CHCHD3: variants seen among roughly 807,000 people sequenced by gnomAD.
CHCHD3 encodes the protein coiled-coil-helix-coiled-coil-helix domain containing 3, also known as MICOS complex subunit MIC19.
Under a neutral mutation model 38.2 loss-of-function variants are expected in CHCHD3, and 20 were observed. That is an observed-to-expected ratio of 0.52 (90% CI 0.37 to 0.76). The LOEUF (loss-of-function observed/expected upper bound fraction) is 0.76. Among genes scored for constraint, CHCHD3 ranks in the 30% least tolerant of loss-of-function variants. The pLI, the probability that CHCHD3 is intolerant of heterozygous loss-of-function variation, is 0.00. For synonymous variants in CHCHD3, 82 were observed against 100.0 expected (o/e 0.82, Z 1.07); for missense variants, 245 against 279.2 (o/e 0.88, Z 0.87).
At position 132,860,368 on chromosome 7, in the gene CHCHD3, A is replaced by G. The variant is rs572615530; in HGVS notation, c.454-21899T>C. On this transcript the variant is annotated intron_variant, in intron 5 of 7. Transcript: ENST00000262570. ...CCCACATTGTTTTTTGTTTGTTTCA[A>G]TGAACAAACTTATTCCTCTTGGTCT... Among the ~76,000 whole-genome samples the G allele has an allele frequency of 2.8e-4, 42 of 152,152 alleles. 1 individual carries two copies. The highest frequency in any genetic ancestry group is 9.2e-4 in the Admixed American group (14 of 15,272).
intron 2 of CHCHD3, among the ~76,000 whole-genome samples, chr7:133,025,536 G>A (rs1267016928): frequency 5.3e-5 from 8 of 152,098 alleles, no homozygotes; most frequent in African/African-American, 9.7e-5. Flanking sequence ...ACAGAGTCTC[G>A]CTCTGTTGCC....
chr7:132,890,195 C>T (rs557662486), intron 4 of CHCHD3, among the ~76,000 whole-genome samples: 1 of 152,240 alleles, frequency 6.6e-6, no homozygotes, highest in Admixed American at 6.5e-5. Flanking sequence ...CCAACACGAA[C>T]ATTTTGATGT....
chr7:132,925,812 G>A (rs1810363977), intron 4 of CHCHD3, among the ~76,000 whole-genome samples: 2 of 152,158 alleles, frequency 1.3e-5, no homozygotes, highest in Admixed American at 6.5e-5. Context: ...ACTTCATAAC[G>A]AAAACGTTTC....
At chr7:132,825,710 A>G (rs1479908885) in intron 6 of CHCHD3, among the ~76,000 whole-genome samples, 2 of 152,200 alleles carry the variant, frequency 1.3e-5, no homozygotes, top group African/African-American at 4.8e-5. Flanking sequence ...CAAAGTAATG[A>G]GACTGTGATA....
chr7:132,814,877 C>G (rs1377029581), intron 6 of CHCHD3, among the ~76,000 whole-genome samples: 1 of 152,098 alleles, frequency 6.6e-6, no homozygotes, highest in Non-Finnish European at 1.5e-5. Flanking sequence ...CTAATTTAAT[C>G]AATGTCAACT....
At chr7:132,812,233 T>C (rs1404528590) in intron 6 of CHCHD3, among the ~76,000 whole-genome samples, 1 of 126,154 alleles carries the variant, frequency 7.9e-6, no homozygotes, top group Non-Finnish European at 1.6e-5. Context: ...TTTTTTGAGA[T>C]GGAGTCTTGC....
rs73447502 is a variant in CHCHD3 at position 132,921,772 on chromosome 7, G to A, written c.370-36027C>T. On this transcript the variant is annotated intron_variant, in intron 4 of 7. Coordinates refer to ENST00000262570, the MANE Select transcript of CHCHD3 (RefSeq NM_017812.4). ...GGTCCTAAGGCAGCCTGCAAAGCCT[G>A]AAGGGCACTTCTTATCACCACGTCT... is the stretch of plus-strand genomic sequence containing the variant. 7.4e-3 allele frequency among the ~76,000 whole-genome samples: 1,122 copies of A among 152,332 alleles called. 18 individuals carry two copies. The highest frequency in any genetic ancestry group is 0.026 in the African/African-American group (1,085 of 41,576).
intron 2 of CHCHD3, among the ~76,000 whole-genome samples, chr7:133,042,286 A>C (rs550406723): frequency 6.6e-6 from 1 of 152,136 alleles, no homozygotes; most frequent in Non-Finnish European, 1.5e-5. Flanking sequence ...TCTTCATCAC[A>C]CTGCGGTAGT....
At chr7:132,848,799 C>G (rs1808143459) in intron 5 of CHCHD3, among the ~76,000 whole-genome samples, 1 of 152,176 alleles carries the variant, frequency 6.6e-6, no homozygotes, top group South Asian at 2.1e-4. Flanking sequence ...GTAGCTGGCA[C>G]CTTAAAGAAT....
intron 2 of CHCHD3, among the ~76,000 whole-genome samples, chr7:133,048,920 A>C (rs1196320622): frequency 6.6e-6 from 1 of 152,234 alleles, no homozygotes; most frequent in East Asian, 1.9e-4. Flanking sequence ...ATCTGCCCTA[A>C]AGTCACATAA....
chr7:132,875,434 G>C (rs1048923810), intron 5 of CHCHD3, among the ~76,000 whole-genome samples: 1 of 152,176 alleles, frequency 6.6e-6, no homozygotes, highest in African/African-American at 2.4e-5. Flanking sequence ...TTTTCAGAAA[G>C]AACTACTTGA....
chr7:133,002,107 C>T (rs1209252095), intron 3 of CHCHD3, among the ~76,000 whole-genome samples: 1 of 152,120 alleles, frequency 6.6e-6, no homozygotes, highest in Non-Finnish European at 1.5e-5. Context: ...GGAATTCAAA[C>T]CCAAGTGGTC....
At chr7:132,979,461 T>G (rs987011908) in intron 3 of CHCHD3, among the ~76,000 whole-genome samples, 1 of 152,198 alleles carries the variant, frequency 6.6e-6, no homozygotes, top group Admixed American at 6.5e-5. Context: ...TGATTACAAA[T>G]AACAGATGCA....
intron 2 of CHCHD3, among the ~76,000 whole-genome samples, chr7:133,032,345 G>A (rs1203086929): frequency 2.6e-5 from 4 of 152,148 alleles, no homozygotes; most frequent in African/African-American, 9.7e-5. Context: ...ACGCATTAAA[G>A]TTAATGAAGA....
chr7:132,812,839 C>T (rs1389745060), intron 6 of CHCHD3, among the ~76,000 whole-genome samples: 1 of 152,184 alleles, frequency 6.6e-6, no homozygotes, highest in Non-Finnish European at 1.5e-5. Flanking sequence ...CACTTTCTCA[C>T]AATAGATTTC....
At chr7:133,080,584 A>G (rs1458671124) in intron 1 of CHCHD3, among the ~76,000 whole-genome samples, 1 of 152,242 alleles carries the variant, frequency 6.6e-6, no homozygotes, top group Non-Finnish European at 1.5e-5. Flanking sequence ...ATAAAACTTA[A>G]AGTTTACAGT....
chr7:132,985,479 AG>A (rs2117356963), intron 3 of CHCHD3, among the ~76,000 whole-genome samples: 1 of 61,388 alleles, frequency 1.6e-5, no homozygotes, highest in African/African-American at 6.3e-5. Flanking sequence ...CTGCCCGGCC[AG>A]CCGCCCCGTC....
At chr7:132,910,990 G>C (rs1809934658) in intron 4 of CHCHD3, among the ~76,000 whole-genome samples, 1 of 152,184 alleles carries the variant, frequency 6.6e-6, no homozygotes, top group African/African-American at 2.4e-5. Flanking sequence ...AGAAAACCAA[G>C]AGGAGTAATT....
At chr7:133,064,530 G>C (rs1298631775) in intron 2 of CHCHD3, among the ~76,000 whole-genome samples, 2 of 152,160 alleles carry the variant, frequency 1.3e-5, no homozygotes, top group African/African-American at 4.8e-5. Flanking sequence ...TTAAAGAGCT[G>C]TTTAAAAATA....
Sources: allele counts gnomAD v4.1 joint callset (sites outside exome capture counted in the v4.1 genomes callset), GRCh38; gene constraint gnomAD v4.1.1; transcripts MANE v1.5; gene names NCBI Gene and HGNC (gene_info 2026-07-23, HGNC 2026-07-21).